TTC29: variants seen among roughly 807,000 people sequenced by gnomAD.
TTC29 encodes tetratricopeptide repeat protein 29.
In TTC29, 49 loss-of-function variants were observed where a neutral mutation model predicts 58.1. The ratio of observed to expected loss-of-function variants is 0.84; its 90% CI spans 0.67 to 1.07. The LOEUF is 1.07. Ranked by LOEUF, TTC29 falls within the 50% of genes least tolerant of loss-of-function variation. The pLI, the probability that TTC29 is intolerant of heterozygous loss-of-function variation, is 0.00. For missense variants in TTC29, 582 were observed against 555.6 expected (o/e 1.05, Z -0.48); for synonymous variants, 209 against 196.8 (o/e 1.06, Z -0.52).
intron 8 of TTC29, among the ~76,000 whole-genome samples, chr4:146,850,827 T>C (rs2150183049): frequency 6.6e-6 from 1 of 152,350 alleles, no homozygotes; most frequent in African/African-American, 2.4e-5. Flanking sequence ...ATTATAAACT[T>C]ATAAAATGGA....
chr4:146,737,590 TGGG>T (rs56346604), intron 11 of TTC29, among the ~76,000 whole-genome samples: 3 of 93,974 alleles, frequency 3.2e-5, no homozygotes, highest in East Asian at 2.9e-4. Flanking sequence ...CTAGTAGCCC[TGGG>T]GGGGGGGGGG....
In TTC29 at chr4:146,808,569, A is replaced by T. The variant is rs181068132; in HGVS notation, c.1102-4884T>A. On this transcript the variant is annotated intron_variant, in intron 10 of 12. Transcript: ENST00000325106. Reference sequence around the variant, plus strand: ...TCAGGATACAAAATCAATGTGCAAAACTCACAAGCATTCCTATACACCAAT... The same window carrying T: ...TCAGGATACAAAATCAATGTGCAAATCTCACAAGCATTCCTATACACCAAT... Among the ~76,000 whole-genome samples, 9 of 152,286 alleles carry T rather than the reference A, an allele frequency of 5.9e-5. No individual in the cohort carries two copies. In the East Asian group the frequency reaches 1.7e-3, roughly 29 times the overall value.
chr4:146,770,802 T>C (rs1747668955), intron 11 of TTC29, among the ~76,000 whole-genome samples: 1 of 152,020 alleles, frequency 6.6e-6, no homozygotes, highest in South Asian at 2.1e-4. Flanking sequence ...TTAGTCTTTC[T>C]CTCGATATGT....
chr4:146,814,749 A>G (rs1034841130), intron 10 of TTC29, among the ~76,000 whole-genome samples: 77 of 147,120 alleles, frequency 5.2e-4, no homozygotes, highest in Middle Eastern at 3.5e-3. Context: ...AAAAAAAAAA[A>G]AGGGGAGGGG....
chr4:146,917,028 T>C (rs777415886), intron 4 of TTC29, among the ~76,000 whole-genome samples: 2 of 151,178 alleles, frequency 1.3e-5, no homozygotes, highest in African/African-American at 4.8e-5. Context: ...AATATATATA[T>C]AAAGCACTTT....
At chr4:146,895,141 C>A (rs1732684111) in intron 6 of TTC29, among the ~76,000 whole-genome samples, 1 of 152,182 alleles carries the variant, frequency 6.6e-6, no homozygotes, top group African/African-American at 2.4e-5. Context: ...TATGTCCCTG[C>A]AAGGGACATG....
intron 6 of TTC29, among the ~76,000 whole-genome samples, chr4:146,883,680 G>A (rs756883954): frequency 3.3e-5 from 5 of 151,894 alleles, no homozygotes; most frequent in Non-Finnish European, 5.9e-5. Context: ...CTGTGGGCTC[G>A]GTGCAACTAT....
chr4:146,836,960 G>A (rs1400138995), intron 8 of TTC29, among the ~76,000 whole-genome samples: 1 of 152,040 alleles, frequency 6.6e-6, no homozygotes, highest in South Asian at 2.1e-4. Flanking sequence ...GCTAGAAACA[G>A]AACTACCATT....
At chr4:146,819,130 AAAT>A (rs1474352982) in intron 10 of TTC29, among the ~76,000 whole-genome samples, 8 of 151,026 alleles carry the variant, frequency 5.3e-5, no homozygotes, top group African/African-American at 1.7e-4. Context: ...ATAAATAAAT[AAAT>A]AATAAAAAAA....
intron 11 of TTC29, among the ~76,000 whole-genome samples, chr4:146,733,899 A>C (rs891065068): frequency 6.6e-6 from 1 of 152,184 alleles, no homozygotes; most frequent in Non-Finnish European, 1.5e-5. Flanking sequence ...ATTAATATTC[A>C]TGAGACTGTC....
intron 11 of TTC29, among the ~76,000 whole-genome samples, chr4:146,721,982 T>C (rs1158254827): frequency 1.3e-5 from 2 of 152,056 alleles, no homozygotes; most frequent in Admixed American, 6.6e-5. Flanking sequence ...ACAAAATCAA[T>C]GTAAAAAAAT....
At chr4:146,941,753 G>A (rs760278933) in intron 2 of TTC29, among the ~76,000 whole-genome samples, 1 of 152,144 alleles carries the variant, frequency 6.6e-6, no homozygotes, top group Non-Finnish European at 1.5e-5. Context: ...GCATAGAATT[G>A]ACACGATCTG....
intron 4 of TTC29, chr4:146,934,142 T>C (rs1003288295): frequency 6.6e-6 from 1 of 152,284 alleles, no homozygotes; most frequent in Non-Finnish European, 1.5e-5. Flanking sequence ...ATCTAATGTT[T>C]TCAAAAGACC....
intron 8 of TTC29, among the ~76,000 whole-genome samples, chr4:146,858,360 C>T (rs889863483): frequency 6.6e-6 from 1 of 152,166 alleles, no homozygotes; most frequent in African/African-American, 2.4e-5. Context: ...TACATCCAAA[C>T]CTACAGCCAT....
chr4:146,945,182 T>TA (rs1428400295), intron 1 of TTC29, 105 bp from the exon 2 acceptor site: 2 of 152,346 alleles, frequency 1.3e-5, no homozygotes, highest in East Asian at 3.9e-4. Flanking sequence ...GATTCACTCT[T>TA]ACAACAAATA....
At chr4:146,778,506 T>A (rs890780631) in intron 11 of TTC29, among the ~76,000 whole-genome samples, 1 of 152,154 alleles carries the variant, frequency 6.6e-6, no homozygotes, top group African/African-American at 2.4e-5. Context: ...GATCGTTTCA[T>A]GGGTGTCAAT....
At chr4:146,904,153 G>C (rs1385169657) in intron 5 of TTC29, among the ~76,000 whole-genome samples, 1 of 152,086 alleles carries the variant, frequency 6.6e-6, no homozygotes, top group African/African-American at 2.4e-5. Flanking sequence ...CATAGCAAAA[G>C]ATAATGTAAA....
intron 11 of TTC29, among the ~76,000 whole-genome samples, chr4:146,749,355 C>A (rs893244292): frequency 2.0e-5 from 3 of 151,532 alleles, no homozygotes; most frequent in African/African-American, 7.3e-5. Context: ...AAATTTGGAG[C>A]TGAAGAATTA....
At chr4:146,810,051 G>C (rs1750906738) in intron 10 of TTC29, among the ~76,000 whole-genome samples, 2 of 152,196 alleles carry the variant, frequency 1.3e-5, no homozygotes, top group South Asian at 4.2e-4. Context: ...AAGAAAATGT[G>C]GGACATATAC....
Sources: gnomAD v4.1 joint callset for allele counts (sites outside exome capture counted in the v4.1 genomes callset) on GRCh38, gnomAD v4.1.1 for gene constraint, MANE v1.5 for transcripts, NCBI Gene and HGNC (gene_info 2026-07-23, HGNC 2026-07-21) for gene names.